The following PARM1 variants were observed in gnomAD, a reference collection of about 807,000 sequenced individuals.
PARM1 encodes the protein prostate androgen-regulated mucin-like protein 1, also known as WSC4, cell wall integrity and stress response component 4 homolog.
PARM1 carries 14 observed loss-of-function variants against 24.6 expected under a neutral mutation model. The ratio of observed to expected loss-of-function variants is 0.57; its 90% CI spans 0.38 to 0.89. The LOEUF (loss-of-function observed/expected upper bound fraction) is 0.89. Ranked by LOEUF, PARM1 falls within the 40% of genes least tolerant of loss-of-function variation. The probability of loss-of-function intolerance (pLI) is 0.00; values close to 1 mark genes in which losing one functional copy is unlikely to be tolerated. For synonymous variants in PARM1, 179 were observed against 156.6 expected (o/e 1.14, Z -1.07); for missense variants, 362 against 380.4 (o/e 0.95, Z 0.40).
chr4:74,964,056 G>A (rs1167230595), intron 1 of PARM1, among the ~76,000 whole-genome samples: 6 of 152,280 alleles, frequency 3.9e-5, no homozygotes, highest in Admixed American at 2.0e-4. Flanking sequence ...GGAATGGTGC[G>A]TGGTGTCAGG....
At position 75,000,636 on chromosome 4, in the gene PARM1, G is replaced by A. The variant is rs529994640; in HGVS notation, c.44-11789G>A. ...AACACTTTTTCAGATGTCTCATAGCGTATGTTCCATCAATCTCATTTCACA... is the reference window on the plus strand; with the variant it reads ...AACACTTTTTCAGATGTCTCATAGCATATGTTCCATCAATCTCATTTCACA... On this transcript the variant is annotated intron_variant, in intron 1 of 3. Coordinates refer to ENST00000307428, the MANE Select transcript of PARM1 (RefSeq NM_015393.4). Among the ~76,000 whole-genome samples, 24 of 152,250 alleles carry A rather than the reference G, an allele frequency of 1.6e-4. No homozygotes were observed. The South Asian group carries it at 2.9e-3, about 18-fold the overall frequency.
intron 2 of PARM1, among the ~76,000 whole-genome samples, chr4:75,026,612 T>A (rs372370685): frequency 6.6e-6 from 1 of 152,314 alleles, no homozygotes; most frequent in Non-Finnish European, 1.5e-5. Context: ...CTCCCCAAAC[T>A]ATCAAGCCCA....
At chr4:75,028,869 AT>A (rs1448413958) in intron 2 of PARM1, among the ~76,000 whole-genome samples, 1 of 152,236 alleles carries the variant, frequency 6.6e-6, no homozygotes, top group Non-Finnish European at 1.5e-5. Context: ...GAATATTAAT[AT>A]TTTTTCCAAA....
intron 1 of PARM1, among the ~76,000 whole-genome samples, chr4:74,971,444 T>C (rs1722035943): frequency 6.6e-6 from 1 of 152,144 alleles, no homozygotes; most frequent in Admixed American, 6.5e-5. Context: ...CCAAATCATA[T>C]CAGATTTTTT....
At chr4:75,003,651 A>G (rs1477144374) in intron 1 of PARM1, among the ~76,000 whole-genome samples, 2 of 152,206 alleles carry the variant, frequency 1.3e-5, no homozygotes, top group African/African-American at 2.4e-5. Flanking sequence ...CTGTTTTGAC[A>G]TATGATAGCT....
Position 75,046,351 on chromosome 4 carries a change from C to T in PARM1, c.*104C>T. 1 of 739,376 alleles carries T rather than the reference C, an allele frequency of 1.4e-6. No individual in the cohort carries two copies. The highest frequency in any genetic ancestry group is 2.3e-6 in the Non-Finnish European group (1 of 436,400). 45.8% of individuals were successfully genotyped at this position (739,376 alleles called of 1,614,324 possible). ...ATGCGCATTGAACGACAATCTTAAG[C>T]CCTGTTTTGTTGGTATGGTTGTTTT... On this transcript the variant is annotated 3_prime_UTR_variant, in exon 4 of 4. Transcript: ENST00000307428.
intron 3 of PARM1, among the ~76,000 whole-genome samples, chr4:75,035,619 C>G (rs897276991): frequency 6.6e-6 from 1 of 152,208 alleles, no homozygotes; most frequent in African/African-American, 2.4e-5. Context: ...CCAGTGCCCA[C>G]TGGGAGCACT....
chr4:75,024,939 C>T (rs1723156390), intron 2 of PARM1, among the ~76,000 whole-genome samples: 1 of 152,222 alleles, frequency 6.6e-6, no homozygotes, highest in African/African-American at 2.4e-5. Flanking sequence ...AGGTGATCCA[C>T]CCGCCTTGGT....
intron 1 of PARM1, among the ~76,000 whole-genome samples, chr4:74,979,337 A>G (rs375416677): frequency 4.6e-5 from 7 of 152,200 alleles, no homozygotes; most frequent in African/African-American, 1.7e-4. Context: ...AAACACCTCT[A>G]TGCAAACAAA....
intron 1 of PARM1, among the ~76,000 whole-genome samples, chr4:75,008,093 C>G (rs1291929378): frequency 2.6e-5 from 4 of 152,216 alleles, no homozygotes; most frequent in Non-Finnish European, 5.9e-5. Flanking sequence ...CCCTGGCTAT[C>G]TTTGTATTGG....
intron 1 of PARM1, among the ~76,000 whole-genome samples, chr4:75,001,420 T>A (rs1022074799): frequency 1.8e-4 from 28 of 152,302 alleles, no homozygotes; most frequent in Non-Finnish European, 5.9e-5. Context: ...AAAAACCTAA[T>A]CTGTTGTGTA....
chr4:74,944,311 C>T (rs1381901942), intron 1 of PARM1, among the ~76,000 whole-genome samples: 1 of 152,156 alleles, frequency 6.6e-6, no homozygotes, highest in Non-Finnish European at 1.5e-5. Flanking sequence ...TATAAACAAA[C>T]CAAAGAAGAG....
Position 75,049,857 on chromosome 4 carries a change from C to CTTTTTTTTTTTTTTTTTTTTTTTT in PARM1, c.*3618_*3619insTTTTTTTTTTTTTTTTTTTTTTTT, listed in dbSNP as rs958932898. The CTTTTTTTTTTTTTTTTTTTTTTTT allele has an allele frequency of 7.2e-6, 1 of 138,688 alleles. No homozygotes were observed. The highest frequency in any genetic ancestry group is 7.2e-5 in the Admixed American group (1 of 13,806). The allele number at this position is 138,688 out of a possible 1,614,324, so 8.6% of individuals were successfully genotyped here. ...TGATTCACCTTCTTTGCCTTTAAGC[C>CTTTTTTTTTTTTTTTTTTTTTTTT]TTTTTTTTCTTTTTTTTTTTTTTGG... On this transcript the variant is annotated 3_prime_UTR_variant, in exon 4 of 4. Transcript: ENST00000307428.
chr4:74,986,391 A>G (rs570336584), intron 1 of PARM1, among the ~76,000 whole-genome samples: 41 of 152,336 alleles, frequency 2.7e-4, no homozygotes, highest in African/African-American at 9.9e-4. Flanking sequence ...ACAATAAAAT[A>G]TTTCTTCATG....
chr4:75,034,593 T>A (rs926304413), intron 3 of PARM1, among the ~76,000 whole-genome samples: 1 of 152,142 alleles, frequency 6.6e-6, no homozygotes, highest in African/African-American at 2.4e-5. Flanking sequence ...ACTCTGTGAG[T>A]CCTCCATTTT....
intron 1 of PARM1, among the ~76,000 whole-genome samples, chr4:74,945,056 A>T (rs1260151662): frequency 6.6e-6 from 1 of 152,232 alleles, no homozygotes; most frequent in Non-Finnish European, 1.5e-5. Flanking sequence ...AATATTAGGC[A>T]ACTGCTTAAA....
intron 2 of PARM1, among the ~76,000 whole-genome samples, chr4:75,021,309 G>T (rs966111085): frequency 2.0e-5 from 3 of 152,148 alleles, no homozygotes; most frequent in African/African-American, 7.2e-5. Flanking sequence ...ACTTTCTGCT[G>T]CCCACACCAA....
At chr4:74,987,354 G>T in intron 1 of PARM1, among the ~76,000 whole-genome samples, 1 of 152,018 alleles carries the variant, frequency 6.6e-6, no homozygotes, top group Admixed American at 6.6e-5. Flanking sequence ...CATGAGAAGA[G>T]ACAGAGAACT....
intron 1 of PARM1, among the ~76,000 whole-genome samples, chr4:74,950,059 GC>G (rs1162816044): frequency 6.6e-6 from 1 of 152,044 alleles, no homozygotes; most frequent in Non-Finnish European, 1.5e-5. Context: ...CTTCTCAGTT[GC>G]CCAGAAGCAA....
Sources: gnomAD v4.1 joint callset for allele counts (sites outside exome capture counted in the v4.1 genomes callset) on GRCh38, gnomAD v4.1.1 for gene constraint, MANE v1.5 for transcripts, NCBI Gene and HGNC (gene_info 2026-07-23, HGNC 2026-07-21) for gene names.